TMPRSS2: variants seen among roughly 807,000 people sequenced by gnomAD.
TMPRSS2 encodes transmembrane serine protease 2.
A neutral mutation model predicts 67.4 loss-of-function variants in TMPRSS2; 59 were observed. The observed-to-expected ratio is 0.88, with a 90% CI of 0.71 to 1.09. The LOEUF is 1.09. Among genes scored for constraint, TMPRSS2 ranks in the 50% least tolerant of loss-of-function variants. TMPRSS2 has a pLI of 0.00. For missense variants in TMPRSS2, 668 were observed against 642.7 expected, an observed-to-expected ratio of 1.04 and a Z score of -0.43; for synonymous variants, 257 against 257.0, an observed-to-expected ratio of 1.00 and a Z score of 0.00.
chr21:41,470,572 A>G, intron 11 of TMPRSS2, 76 bp downstream of exon 11: 2 of 1,398,354 alleles, frequency 1.4e-6, no homozygotes, highest in Non-Finnish European at 2.0e-6. Context: ...TGGGATTAAA[A>G]CCTGGACCTC....
chr21:41,500,310 A>T (rs1423154753), intron 1 of TMPRSS2, among the ~76,000 whole-genome samples: 1 of 152,270 alleles, frequency 6.6e-6, no homozygotes, highest in East Asian at 1.9e-4. Flanking sequence ...CCATTAAATA[A>T]GAGGAATTAT....
intron 2 of TMPRSS2, among the ~76,000 whole-genome samples, chr21:41,497,899 C>T (rs1238293501): frequency 6.6e-6 from 1 of 152,230 alleles, no homozygotes; most frequent in Non-Finnish European, 1.5e-5. Flanking sequence ...TGCATATCAC[C>T]CACGTGTACC....
At chr21:41,484,135 A>G (rs1444177789) in intron 5 of TMPRSS2, among the ~76,000 whole-genome samples, 1 of 152,162 alleles carries the variant, frequency 6.6e-6, no homozygotes, top group African/African-American at 2.4e-5. Flanking sequence ...ACCCAATTGT[A>G]CATGTTTAAT....
intron 13 of TMPRSS2, among the ~76,000 whole-genome samples, chr21:41,466,587 G>A (rs377591443): frequency 6.6e-6 from 1 of 152,108 alleles, no homozygotes; most frequent in Non-Finnish European, 1.5e-5. Context: ...CTCCTCCTGG[G>A]GTCATCTGTT....
intron 2 of TMPRSS2, among the ~76,000 whole-genome samples, chr21:41,496,659 A>G (rs1473957198): frequency 1.3e-5 from 2 of 151,546 alleles, no homozygotes; most frequent in Admixed American, 6.6e-5. Context: ...CTCGCCCCAA[A>G]CAGGCCACTC....
chr21:41,500,516 C>A (rs574161851), intron 1 of TMPRSS2, among the ~76,000 whole-genome samples: 1 of 152,192 alleles, frequency 6.6e-6, no homozygotes, highest in South Asian at 2.1e-4. Flanking sequence ...AACTATAAAA[C>A]CCCAACAGCC....
At chr21:41,488,269 T>C (rs2091311897) in intron 5 of TMPRSS2, 125 bp downstream of exon 5, 25 of 1,153,150 alleles carry the variant, frequency 2.2e-5, no homozygotes, top group South Asian at 4.9e-5. Flanking sequence ...GGAGCAGGGA[T>C]TCAATGACAT....
intron 11 of TMPRSS2, among the ~76,000 whole-genome samples, chr21:41,469,890 A>G (rs1204502960): frequency 6.6e-6 from 1 of 152,046 alleles, no homozygotes; most frequent in Admixed American, 6.5e-5. Flanking sequence ...TATTCCCTTC[A>G]TCTTGGATTC....
chr21:41,493,199 A>G (rs931342809), intron 3 of TMPRSS2, among the ~76,000 whole-genome samples: 1 of 152,212 alleles, frequency 6.6e-6, no homozygotes, highest in African/African-American at 2.4e-5. Flanking sequence ...CCAGAAGAAC[A>G]TCAGTGCAAA....
At chr21:41,489,432 C>G in intron 4 of TMPRSS2, 75 bp downstream of exon 4, 1 of 1,302,184 alleles carries the variant, frequency 7.7e-7, no homozygotes, top group Non-Finnish European at 1.1e-6. Context: ...TCTCAATAGC[C>G]CAGAGAGCAG....
intron 5 of TMPRSS2, among the ~76,000 whole-genome samples, chr21:41,483,703 A>T (rs1334005960): frequency 2.0e-5 from 3 of 150,794 alleles, no homozygotes; most frequent in African/African-American, 7.3e-5. Flanking sequence ...CCTTCCAGCT[A>T]TCTGCACCCG....
chr21:41,472,099 A>G, intron 9 of TMPRSS2, 118 bp from the exon 10 acceptor site: 1 of 995,032 alleles, frequency 1.0e-6, no homozygotes, highest in Non-Finnish European at 1.4e-6. Context: ...TTCACCAAAA[A>G]CCACACAGGG....
intron 1 of TMPRSS2, among the ~76,000 whole-genome samples, chr21:41,499,306 A>C (rs1886855894): frequency 1.3e-5 from 2 of 152,252 alleles, no homozygotes; most frequent in South Asian, 4.1e-4. Flanking sequence ...AATGCTGTAT[A>C]GTAAAGCCGC....
chr21:41,471,305 A>G (rs1482485902), intron 10 of TMPRSS2, among the ~76,000 whole-genome samples: 1 of 152,260 alleles, frequency 6.6e-6, no homozygotes, highest in Non-Finnish European at 1.5e-5. Flanking sequence ...ACTTGGTTTT[A>G]GAATGTATCT....
chr21:41,491,393 C>A (rs35899679), intron 3 of TMPRSS2, among the ~76,000 whole-genome samples: 51,768 of 151,870 alleles, frequency 0.34, 10,560 homozygotes, highest in Non-Finnish European at 0.47. Flanking sequence ...GTGATCCACT[C>A]GCCTCAGCCT....
intron 1 of TMPRSS2, chr21:41,502,711 T>A: frequency 5.6e-6 from 2 of 358,620 alleles, no homozygotes; most frequent in Non-Finnish European, 7.8e-6. Context: ...TATAATCAGG[T>A]AAATTGCATA....
intron 12 of TMPRSS2, chr21:41,468,094 C>T: frequency 1.6e-6 from 1 of 628,248 alleles, no homozygotes; most frequent in Non-Finnish European, 2.7e-6. Context: ...TTAATCTGTT[C>T]AAGCTAAAAG....
rs890927892 is a variant in TMPRSS2, at chr21:41,507,800, C to T, written c.-57+281G>A. ...CCAACTGGCTAGGGACTCGCAGGAC[C>T]ACCTGCCCCAACCTCGCGATGCCAA... On this transcript the variant is annotated intron_variant, in intron 1 of 13. Transcript: ENST00000332149. 1.2e-5 allele frequency: 11 copies of T among 900,088 alleles called. No individual in the cohort carries two copies. The East Asian group carries it at 3.3e-4, about 27-fold the overall frequency. The allele number at this position is 900,088 out of a possible 1,614,324, so 55.8% of individuals were successfully genotyped here.
Position 41,480,575 on chromosome 21 carries a change from A to C in TMPRSS2, c.473T>G (p.Leu158Arg). 1 of 1,613,806 alleles carries C rather than the reference A, an allele frequency of 6.2e-7. No homozygotes were observed. The highest frequency in any genetic ancestry group is 1.3e-5 in the African/African-American group (1 of 75,070). The part of the protein sequence containing the change: ...CVRLYGPNFI[L>R]QVYSSQRKSW... ...CTTCCTCTGAGATGAGTACACCTGA[A>C]GGATGAAGTTTGGTCCGTAGAGGCG... Residue 158 changes from leucine (L) to arginine (R), a missense_variant, in exon 6 of 14, where the codon CTT becomes CGT. By Grantham distance (102) the Leu-to-Arg change is moderately radical (BLOSUM62 -2). Transcript: ENST00000332149.
Sources: gnomAD v4.1 joint callset for allele counts (sites outside exome capture counted in the v4.1 genomes callset) on GRCh38, gnomAD v4.1.1 for gene constraint, MANE v1.5 for transcripts, NCBI Gene and HGNC (gene_info 2026-07-23, HGNC 2026-07-21) for gene names.